Variants in MOGAT1 observed in about 807,000 individuals in gnomAD.
MOGAT1 encodes monoacylglycerol O-acyltransferase 1.
MOGAT1 carries 32 observed loss-of-function variants against 31.4 expected under a neutral mutation model. The ratio of observed to expected loss-of-function variants is 1.02; its 90% CI spans 0.77 to 1.37. The LOEUF (loss-of-function observed/expected upper bound fraction) is 1.37. Among genes scored for constraint, MOGAT1 ranks in the 40% most tolerant of loss-of-function variants. The pLI is 0.00. For missense variants in MOGAT1, 426 were observed against 402.0 expected (o/e 1.06, Z -0.51); for synonymous variants, 145 against 144.5 (o/e 1.00, Z -0.03).
Position 222,683,758 on chromosome 2 carries a change from C to T in MOGAT1, c.95-4586C>T, listed in dbSNP as rs139022789. On this transcript the variant is annotated intron_variant, in intron 1 of 5. Transcript: ENST00000446656. ...AAAAGTGAGTGAGGGACAGCTTCCT[C>T]AACAATCTGGAGAAAGTAGAATCTA... Among the ~76,000 whole-genome samples, 232 of 152,118 alleles carry T rather than the reference C, an allele frequency of 1.5e-3. 1 individual carries two copies. The highest frequency in any genetic ancestry group is 0.013 in the Admixed American group (202 of 15,268).
At chr2:222,685,024 A>C (rs1692641569) in intron 1 of MOGAT1, among the ~76,000 whole-genome samples, 1 of 152,216 alleles carries the variant, frequency 6.6e-6, no homozygotes, top group South Asian at 2.1e-4. Flanking sequence ...TAGAATATTG[A>C]TCAGTCGTTA....
At chr2:222,707,941 A>C (rs1050798885) in intron 5 of MOGAT1, among the ~76,000 whole-genome samples, 1 of 152,198 alleles carries the variant, frequency 6.6e-6, no homozygotes, top group African/African-American at 2.4e-5. Flanking sequence ...GGGATGACTC[A>C]GGATAGGACA....
chr2:222,677,819 A>T, intron 1 of MOGAT1: 1 of 274,644 alleles, frequency 3.6e-6, no homozygotes, highest in Admixed American at 4.3e-5. Context: ...ATCTTTGCTA[A>T]TGCCTTCTGG....
chr2:222,676,438 A>G (rs781729556), intron 1 of MOGAT1, among the ~76,000 whole-genome samples: 4 of 152,184 alleles, frequency 2.6e-5, no homozygotes, highest in Admixed American at 6.5e-5. Flanking sequence ...TCAATAGTTC[A>G]TTGCTTTTTG....
rs114354424 is a variant in MOGAT1 at position 222,679,897 on chromosome 2, T to A, written c.94+8018T>A. Among the ~76,000 whole-genome samples the A allele has an allele frequency of 6.0e-3, 908 of 152,334 alleles. 13 individuals carry two copies. Among genetic ancestry groups the A allele is most frequent in the African/African-American group, 0.02 (822 of 41,568 alleles). ...TGCCTGAGTCCGTGTAATAAGGAAG[T>A]CTGCTTTGCTTTAACTTTATGAAAA... is the stretch of plus-strand genomic sequence containing the variant. On this transcript the variant is annotated intron_variant, in intron 1 of 5. Transcript: ENST00000446656.
chr2:222,703,295 T>C (rs889447087), intron 5 of MOGAT1, among the ~76,000 whole-genome samples: 2 of 152,222 alleles, frequency 1.3e-5, no homozygotes, highest in Non-Finnish European at 2.9e-5. Flanking sequence ...CCTTCCTTCC[T>C]GCTATAGGGA....
Position 222,695,091 on chromosome 2 carries a change from C to T in MOGAT1, c.656C>T (p.Ala219Val), listed in dbSNP as rs1692821071. 1 of 1,585,960 alleles carries T rather than the reference C, an allele frequency of 6.3e-7. No homozygotes were observed. The highest frequency in any genetic ancestry group is 1.4e-5 in the African/African-American group (1 of 73,586). Residue 219 changes from alanine (A) to valine (V), a missense_variant and splice_region_variant, in exon 5 of 6, where the codon GCC (alanine) becomes GTC (valine). Ala to Val is a moderately conservative substitution (Grantham distance 64, BLOSUM62 0). Coordinates refer to ENST00000446656, the MANE Select transcript of MOGAT1 (RefSeq NM_058165.3). ...GFVKIALTHG[A>V]SLVPVVSFGE... Reference sequence around the variant, plus strand: ...ACCCGTCCCCTTTGTTATTGCAGCGCCTCTCTGGTCCCAGTGGTTTCTTTT... The same window carrying T: ...ACCCGTCCCCTTTGTTATTGCAGCGTCTCTCTGGTCCCAGTGGTTTCTTTT...
At chr2:222,692,614 A>G (rs1692779390) in intron 3 of MOGAT1, among the ~76,000 whole-genome samples, 1 of 152,180 alleles carries the variant, frequency 6.6e-6, no homozygotes, top group Non-Finnish European at 1.5e-5. Context: ...TCAATTGGGC[A>G]TTTGGAGATA....
Position 222,671,676 on chromosome 2 carries a change from A to G in MOGAT1, c.-110A>G. On this transcript the variant is annotated 5_prime_UTR_variant, in exon 1 of 6. Coordinates refer to ENST00000446656, the MANE Select transcript of MOGAT1 (RefSeq NM_058165.3). ...AGCCTCTGCCTTTTCCTCTCCGCCC[A>G]GCCAGTGCCCAGCGCGGGGCCCGGA... The G allele has an allele frequency of 1.1e-6, 1 of 909,890 alleles. No individual in the cohort carries two copies. Among genetic ancestry groups the G allele is most frequent in the Non-Finnish European group, 1.7e-6 (1 of 591,160 alleles). The allele number at this position is 909,890 out of a possible 1,614,324, so 56.4% of individuals were successfully genotyped here.
intron 1 of MOGAT1, among the ~76,000 whole-genome samples, chr2:222,672,684 A>G (rs867315937): frequency 6.6e-6 from 1 of 152,114 alleles, no homozygotes; most frequent in Non-Finnish European, 1.5e-5. Context: ...GACTAAGATC[A>G]TGTGTATGCT....
chr2:222,701,755 A>G (rs765191647), intron 5 of MOGAT1, among the ~76,000 whole-genome samples: 5 of 152,118 alleles, frequency 3.3e-5, no homozygotes, highest in African/African-American at 7.2e-5. Flanking sequence ...CTTGTGGCTG[A>G]TGCTCCAGCG....
chr2:222,697,086 C>T (rs1398157072), intron 5 of MOGAT1, among the ~76,000 whole-genome samples: 6 of 152,136 alleles, frequency 3.9e-5, no homozygotes, highest in Non-Finnish European at 8.8e-5. Context: ...AAGTATTTAG[C>T]TCCCTCAGAT....
intron 1 of MOGAT1, among the ~76,000 whole-genome samples, chr2:222,683,685 C>G (rs887864512): frequency 2.0e-5 from 3 of 152,058 alleles, no homozygotes; most frequent in South Asian, 2.1e-4. Context: ...CGAGATCACA[C>G]CACTGCACTC....
intron 1 of MOGAT1, chr2:222,677,631 G>A: frequency 3.2e-6 from 1 of 313,200 alleles, no homozygotes; most frequent in Non-Finnish European, 6.3e-6. Context: ...AAAAGAAGAT[G>A]AGGGCTTTTC....
At chr2:222,701,299 G>GGAGAGAGAGAGAGA (rs1553562912) in intron 5 of MOGAT1, among the ~76,000 whole-genome samples, 28 of 90,534 alleles carry the variant, frequency 3.1e-4, no homozygotes, top group African/African-American at 1.0e-3. Context: ...AGGAGGAGGA[G>GGAGAGAGAGAGAGA]GAGAGAGAGA....
chr2:222,706,724 T>C (rs1693008567), intron 5 of MOGAT1, among the ~76,000 whole-genome samples: 1 of 152,192 alleles, frequency 6.6e-6, no homozygotes, highest in African/African-American at 2.4e-5. Context: ...AATAGTTACA[T>C]TAACCTCTCT....
chr2:222,709,688 G>A (rs780821169), intron 5 of MOGAT1, 48 bp from the exon 6 acceptor site: 2 of 1,582,658 alleles, frequency 1.3e-6, no homozygotes, highest in African/African-American at 1.3e-5. Flanking sequence ...GCGGTCTGTG[G>A]TGGAGTGGTT....
intron 1 of MOGAT1, among the ~76,000 whole-genome samples, chr2:222,673,352 T>C (rs1324648747): frequency 2.4e-5 from 1 of 42,064 alleles, no homozygotes; most frequent in Non-Finnish European, 4.9e-5. Context: ...AAAAATGTAA[T>C]TCAAAGTGTT....
At chr2:222,704,433 G>T (rs1337368239) in intron 5 of MOGAT1, among the ~76,000 whole-genome samples, 1 of 151,918 alleles carries the variant, frequency 6.6e-6, no homozygotes, top group Non-Finnish European at 1.5e-5. Flanking sequence ...GACCATCCTG[G>T]CTAACACGGT....
Sources: allele counts gnomAD v4.1 joint callset (sites outside exome capture counted in the v4.1 genomes callset), GRCh38; gene constraint gnomAD v4.1.1; transcripts MANE v1.5; gene names NCBI Gene and HGNC (gene_info 2026-07-23, HGNC 2026-07-21).